ANKRD36B: variants seen among roughly 807,000 people sequenced by gnomAD.
ANKRD36B encodes the protein ankyrin repeat domain-containing protein 36B.
In ANKRD36B, 37 loss-of-function variants were observed where a neutral mutation model predicts 135.7. The observed-to-expected ratio is 0.27, with a 90% CI of 0.21 to 0.36. ANKRD36B has a LOEUF of 0.36. Ranked by LOEUF, ANKRD36B falls within the 10% of genes least tolerant of loss-of-function variation. ANKRD36B has a pLI of 1.00. For synonymous variants in ANKRD36B, 179 were observed against 348.1 expected, an observed-to-expected ratio of 0.51 and a Z score of 5.41; for missense variants, 549 against 1,037.1, an observed-to-expected ratio of 0.53 and a Z score of 6.46.
chr2:97,553,237 T>G lies in ANKRD36B; in HGVS notation c.1204A>C (p.Thr402Pro). The change falls in exon 16 of 44, where the codon ACA becomes CCA. Residue 402 changes from threonine (T) to proline (P), a missense_variant. Coordinates refer to ENST00000359901, the MANE Select transcript of ANKRD36B (RefSeq NM_001393939.1). Reference protein sequence around the residue: ...SSQKQQALKATTDEEGSVSNI... With the variant: ...SSQKQQALKAPTDEEGSVSNI... Reference sequence around the variant, plus strand: ...GAAACAGAACCTTCCTCGTCAGTTGTAGCCTGAATGGAATTTGAAAGAAAA... The same window carrying G: ...GAAACAGAACCTTCCTCGTCAGTTGGAGCCTGAATGGAATTTGAAAGAAAA... The G allele has an allele frequency of 6.2e-7, 1 of 1,608,822 alleles. No homozygotes were observed. Among genetic ancestry groups the G allele is most frequent in the East Asian group, 2.2e-5 (1 of 44,646 alleles).
At position 97,576,394 on chromosome 2, in the gene ANKRD36B, T is replaced by C. The variant is rs1156433433; in HGVS notation, c.748A>G (p.Ile250Val). The C allele has an allele frequency of 9.8e-6, 13 of 1,319,808 alleles. No homozygotes were observed. Among genetic ancestry groups the C allele is most frequent in the African/African-American group, 4.5e-5 (3 of 67,374 alleles). The allele number at this position is 1,319,808 out of a possible 1,614,324, so 81.8% of individuals were successfully genotyped here. Residue 250 changes from isoleucine to valine, a missense_variant, in exon 6 of 44, where the codon ATA (isoleucine) becomes GTA (valine). Physicochemically the swap from Ile to Val is conservative, Grantham distance 29 (BLOSUM62 3). Coordinates refer to ENST00000359901, the MANE Select transcript of ANKRD36B (RefSeq NM_001393939.1). ...GAAATCTCACCTGGATTGCTATTTA[T>C]AGGAAGATCTTCATATCTCTTTCTT... ...YKRKRYEDLPINSNPVSPQKQ... is the reference protein window; with the variant it reads ...YKRKRYEDLPVNSNPVSPQKQ...
At chr2:97,559,388 T>C (rs1213538019) in intron 8 of ANKRD36B, among the ~76,000 whole-genome samples, 4 of 151,896 alleles carry the variant, frequency 2.6e-5, no homozygotes, top group Non-Finnish European at 5.9e-5. Flanking sequence ...ATTTACACCA[T>C]TATACTACAG....
At chr2:97,540,396 A>C (rs1379853576) in intron 28 of ANKRD36B, among the ~76,000 whole-genome samples, 167 bp from the exon 29 acceptor site, 1 of 96,698 alleles carries the variant, frequency 1.0e-5, no homozygotes, top group East Asian at 2.3e-4. Flanking sequence ...AATACACTGA[A>C]AAAAAGTAAT....
At chr2:97,569,411 GTTAA>G (rs746361158) in intron 6 of ANKRD36B, among the ~76,000 whole-genome samples, 5 of 152,132 alleles carry the variant, frequency 3.3e-5, no homozygotes, top group Non-Finnish European at 7.4e-5. Flanking sequence ...GTTGACAGGG[GTTAA>G]TTGTGAGGGA....
chr2:97,558,152 A>G (rs1310056324), intron 10 of ANKRD36B, among the ~76,000 whole-genome samples: 3 of 151,978 alleles, frequency 2.0e-5, no homozygotes, highest in Non-Finnish European at 4.4e-5. Context: ...GCCCAACAGT[A>G]ACAAAGAGGA....
Position 97,532,388 on chromosome 2 carries a change from A to C in ANKRD36B, c.2192-4T>G. 1.5e-6 allele frequency: 1 copy of C among 656,746 alleles called. No individual in the cohort carries two copies. The highest frequency in any genetic ancestry group is 2.5e-6 in the Non-Finnish European group (1 of 396,402). 40.7% of individuals were successfully genotyped at this position (656,746 alleles called of 1,614,324 possible). On this transcript the variant is annotated splice_polypyrimidine_tract_variant and splice_region_variant and intron_variant, in intron 34 of 43. Transcript: ENST00000359901. Reference sequence around the variant, plus strand: ...GCCATTTCTAAGTCTTGTTCTGCTAAAAAAATTATATATTTAGTTAAAATG... The same window carrying C: ...GCCATTTCTAAGTCTTGTTCTGCTACAAAAATTATATATTTAGTTAAAATG...
At chr2:97,571,680 T>C (rs899657093) in intron 6 of ANKRD36B, among the ~76,000 whole-genome samples, 4 of 152,052 alleles carry the variant, frequency 2.6e-5, no homozygotes, top group African/African-American at 9.7e-5. Context: ...ATAAGTAAAA[T>C]AATTTGCATC....
At position 97,585,474 on chromosome 2, in the gene ANKRD36B, C is replaced by A. The variant is rs938212631; in HGVS notation, c.162-76G>T. The A allele has an allele frequency of 5.8e-4, 859 of 1,481,642 alleles. No individual in the cohort carries two copies. The highest frequency in any genetic ancestry group is 7.4e-4 in the Non-Finnish European group (815 of 1,108,266). 91.8% of individuals were successfully genotyped at this position (1,481,642 alleles called of 1,614,324 possible). Reference sequence around the variant, plus strand: ...GCATGTTATTTCTCTGTCTTCAAAACAAATATGTAATTTTCTTGTGAAGAA... The same window carrying A: ...GCATGTTATTTCTCTGTCTTCAAAAAAAATATGTAATTTTCTTGTGAAGAA... On this transcript the variant is annotated intron_variant, in intron 1 of 43. Coordinates refer to ENST00000359901, the MANE Select transcript of ANKRD36B (RefSeq NM_001393939.1).
intron 34 of ANKRD36B, among the ~76,000 whole-genome samples, chr2:97,535,533 C>T (rs192687321): frequency 1.7e-3 from 201 of 118,000 alleles, no homozygotes; most frequent in Non-Finnish European, 1.5e-3. Flanking sequence ...TCAGAACATC[C>T]GATTGGCTTA....
intron 6 of ANKRD36B, among the ~76,000 whole-genome samples, chr2:97,564,410 T>C (rs1454217489): frequency 6.6e-6 from 1 of 152,194 alleles, no homozygotes; most frequent in South Asian, 2.1e-4. Flanking sequence ...TTTTGGCTTT[T>C]GTTGACATTG....
At chr2:97,563,743 A>C (rs2081225711) in intron 6 of ANKRD36B, among the ~76,000 whole-genome samples, 2 of 152,174 alleles carry the variant, frequency 1.3e-5, no homozygotes, top group Non-Finnish European at 2.9e-5. Context: ...AACAGTTGCA[A>C]TCAACATAGC....
At chr2:97,561,622 C>G in intron 6 of ANKRD36B, among the ~76,000 whole-genome samples, 1 of 151,796 alleles carries the variant, frequency 6.6e-6, no homozygotes, top group Non-Finnish European at 1.5e-5. Context: ...TATGAATAAG[C>G]TTTTACATCT....
intron 6 of ANKRD36B, among the ~76,000 whole-genome samples, chr2:97,569,854 A>C (rs1161850196): frequency 2.0e-5 from 3 of 152,172 alleles, no homozygotes; most frequent in Non-Finnish European, 2.9e-5. Flanking sequence ...CTCCAGAATT[A>C]TAGTATATAA....
chr2:97,541,768 C>T, intron 28 of ANKRD36B, 143 bp downstream of exon 28: 1 of 745,288 alleles, frequency 1.3e-6, no homozygotes, highest in South Asian at 1.3e-5. Flanking sequence ...TCAGGGTCAC[C>T]CGAGGACTTA....
At chr2:97,547,031 G>C (rs1189691360) in intron 22 of ANKRD36B, among the ~76,000 whole-genome samples, 1 of 151,626 alleles carries the variant, frequency 6.6e-6, no homozygotes, top group African/African-American at 2.4e-5. Flanking sequence ...GAAGAAACCA[G>C]AAAATTATAT....
At chr2:97,548,430 CA>C in intron 20 of ANKRD36B, among the ~76,000 whole-genome samples, 1 of 152,064 alleles carries the variant, frequency 6.6e-6, no homozygotes, top group African/African-American at 2.4e-5. Flanking sequence ...AAAATATCAT[CA>C]ATTATCAATT....
Position 97,534,119 on chromosome 2 carries a change from A to C in ANKRD36B, c.2192-1735T>G, listed in dbSNP as rs1398694874. ...GTAAATAATTGTCAAAAATGAAAAA[A>C]TTAAATTTCCACAGACATTAATAAC... On this transcript the variant is annotated intron_variant, in intron 34 of 43. Coordinates refer to ENST00000359901, the MANE Select transcript of ANKRD36B (RefSeq NM_001393939.1). Among the ~76,000 whole-genome samples, 2 of 96,222 alleles carry C rather than the reference A, an allele frequency of 2.1e-5. 1 individual carries two copies. The highest frequency in any genetic ancestry group is 5.5e-5 in the Non-Finnish European group (2 of 36,232). 63.1% of individuals were successfully genotyped at this position (96,222 alleles called of 152,430 possible).
intron 14 of ANKRD36B, 96 bp downstream of exon 14, chr2:97,554,964 G>T: frequency 6.9e-7 from 1 of 1,439,822 alleles, no homozygotes; most frequent in Non-Finnish European, 9.6e-7. Context: ...ATCAGAATGT[G>T]CAGCTTTGAT....
intron 3 of ANKRD36B, among the ~76,000 whole-genome samples, chr2:97,581,748 ATGAAT>A (rs1272355033): frequency 6.6e-6 from 1 of 152,194 alleles, no homozygotes; most frequent in African/African-American, 2.4e-5. Flanking sequence ...AATGACCTAT[ATGAAT>A]TATTTATAGC....
Sources: gnomAD v4.1 joint callset for allele counts (sites outside exome capture counted in the v4.1 genomes callset) on GRCh38, gnomAD v4.1.1 for gene constraint, MANE v1.5 for transcripts, NCBI Gene and HGNC (gene_info 2026-07-23, HGNC 2026-07-21) for gene names.